The following PTPRD variants were observed in gnomAD, a reference collection of about 807,000 sequenced individuals.
The protein encoded by PTPRD is receptor-type tyrosine-protein phosphatase delta.
Under a neutral mutation model 214.5 loss-of-function variants are expected in PTPRD, and 34 were observed. The ratio of observed to expected loss-of-function variants is 0.16; its 90% CI spans 0.12 to 0.21. PTPRD has a LOEUF of 0.21. Ranked by LOEUF, PTPRD falls within the 10% of genes least tolerant of loss-of-function variation. The pLI is 1.00. For missense variants in PTPRD, 2,545 were observed against 2,398.7 expected (o/e 1.06, Z -1.27); for synonymous variants, 1,128 against 845.7 (o/e 1.33, Z -5.79).
chr9:9,185,518 G>A lies in PTPRD; in HGVS notation c.-202-2155C>T, dbSNP rs529934205. ...CTTGCTTGGCAGAAGTCAACTTTCC[G>A]AGATTTACCTCCTTTACTTTCAGCC... On this transcript the variant is annotated intron_variant, in intron 9 of 45. Coordinates refer to ENST00000381196, the MANE Select transcript of PTPRD (RefSeq NM_002839.4). Among the ~76,000 whole-genome samples the A allele has an allele frequency of 1.1e-4, 17 of 152,100 alleles. No individual in the cohort carries two copies. In the East Asian group the frequency reaches 2.5e-3, roughly 23 times the overall value.
At chr9:9,331,673 C>A (rs2042360334) in intron 9 of PTPRD, among the ~76,000 whole-genome samples, 1 of 152,060 alleles carries the variant, frequency 6.6e-6, no homozygotes, top group Non-Finnish European at 1.5e-5. Flanking sequence ...CTATCTAATA[C>A]ACGCAGGTAA....
rs1463992991 is a variant in PTPRD, at chr9:10,491,366, T to C, written c.-600+121032A>G. 2.6e-5 allele frequency among the ~76,000 whole-genome samples: 4 copies of C among 152,192 alleles called. 1 individual carries two copies. The highest frequency in any genetic ancestry group is 4.1e-4 in the South Asian group (2 of 4,836). On this transcript the variant is annotated intron_variant, in intron 2 of 45. Coordinates refer to ENST00000381196, the MANE Select transcript of PTPRD (RefSeq NM_002839.4). ...AATGTCTAATAATTTTAGATTCTAA[T>C]GTCAAGTAAGACATAAGAATTAGAT...
rs143803668 is a variant in PTPRD at position 10,413,948 on chromosome 9, G to T, written c.-599-72931C>A. The stretch of plus-strand genomic sequence containing the variant: ...GTCCCTTTCTTACACCATATAGAAA[G>T]ATCAACTTAAGATGAATAAAGTCTT... On this transcript the variant is annotated intron_variant, in intron 2 of 45. Transcript: ENST00000381196. 2.2e-3 allele frequency among the ~76,000 whole-genome samples: 334 copies of T among 151,914 alleles called. 1 individual carries two copies. Among genetic ancestry groups the T allele is most frequent in the African/African-American group, 7.5e-3 (310 of 41,504 alleles).
rs1361817449 is a variant in PTPRD, at chr9:8,644,296, T to A, written c.65-7452A>T. Among the ~76,000 whole-genome samples the A allele has an allele frequency of 3.3e-5, 5 of 152,210 alleles. No homozygotes were observed. In the East Asian group the frequency reaches 9.7e-4, roughly 30 times the overall value. On this transcript the variant is annotated intron_variant, in intron 12 of 45. Coordinates refer to ENST00000381196, the MANE Select transcript of PTPRD (RefSeq NM_002839.4). ...CTCTCTGACAGGAGCTGAACATTCA[T>A]CAGGACACCCTGAGACGGAGAGAAG...
intron 12 of PTPRD, among the ~76,000 whole-genome samples, chr9:8,659,997 A>T (rs545831821): frequency 5.3e-5 from 8 of 152,274 alleles, no homozygotes; most frequent in Non-Finnish European, 1.2e-4. Flanking sequence ...GAATTGTTCA[A>T]AACAACTTCA....
At chr9:9,168,245 C>A (rs1330273164) in intron 10 of PTPRD, among the ~76,000 whole-genome samples, 1 of 152,168 alleles carries the variant, frequency 6.6e-6, no homozygotes, top group Non-Finnish European at 1.5e-5. Context: ...GTTACTTACC[C>A]TTCTTCTAGA....
intron 11 of PTPRD, among the ~76,000 whole-genome samples, chr9:8,933,427 G>A (rs2098968297): frequency 1.5e-5 from 2 of 136,616 alleles, no homozygotes; most frequent in South Asian, 4.8e-4. Context: ...CCAAGTTTAA[G>A]CATTTTTTCT....
chr9:9,838,228 T>A (rs1278785057), intron 5 of PTPRD, among the ~76,000 whole-genome samples: 1 of 152,200 alleles, frequency 6.6e-6, no homozygotes, highest in African/African-American at 2.4e-5. Flanking sequence ...GCAATAAACA[T>A]AGGTGTGCAT....
chr9:8,631,744 T>C (rs2096260727), intron 14 of PTPRD, among the ~76,000 whole-genome samples: 1 of 151,876 alleles, frequency 6.6e-6, no homozygotes, highest in South Asian at 2.1e-4. Flanking sequence ...GTCCATTTTG[T>C]TATTATCTTG....
chr9:8,745,884 A>G (rs1203319555), intron 11 of PTPRD, among the ~76,000 whole-genome samples: 2 of 151,972 alleles, frequency 1.3e-5, no homozygotes. Flanking sequence ...TGCAGCCTGG[A>G]AATCCTGGGC....
At chr9:9,959,712 G>A (rs529046182) in intron 4 of PTPRD, among the ~76,000 whole-genome samples, 2 of 152,270 alleles carry the variant, frequency 1.3e-5, no homozygotes, top group South Asian at 2.1e-4. Context: ...GTTTTCCACA[G>A]GGTACAGGTT....
intron 14 of PTPRD, among the ~76,000 whole-genome samples, chr9:8,620,696 T>C (rs1048068109): frequency 1.3e-5 from 2 of 151,958 alleles, no homozygotes; most frequent in African/African-American, 4.8e-5. Flanking sequence ...ACTGCCTGTG[T>C]AGTATTGTAT....
intron 9 of PTPRD, among the ~76,000 whole-genome samples, chr9:9,270,839 T>G (rs1424081700): frequency 6.6e-6 from 1 of 151,276 alleles, no homozygotes; most frequent in Non-Finnish European, 1.5e-5. Flanking sequence ...ACACACATTT[T>G]AAGGGTAGAA....
chr9:8,896,536 A>G (rs1256336000), intron 11 of PTPRD, among the ~76,000 whole-genome samples: 5 of 152,230 alleles, frequency 3.3e-5, no homozygotes, highest in African/African-American at 1.2e-4. Flanking sequence ...ATCTAATTTT[A>G]GTAAAAATTT....
At chr9:9,911,830 G>T (rs1224991677) in intron 5 of PTPRD, among the ~76,000 whole-genome samples, 1 of 151,978 alleles carries the variant, frequency 6.6e-6, no homozygotes, top group Non-Finnish European at 1.5e-5. Context: ...TTTTCCTGTG[G>T]TGATGTTGTT....
chr9:9,274,417 T>C (rs558311261), intron 9 of PTPRD, among the ~76,000 whole-genome samples: 1 of 151,326 alleles, frequency 6.6e-6, no homozygotes, highest in African/African-American at 2.4e-5. Flanking sequence ...CTCAACCAAT[T>C]ATTATCAGAC....
At chr9:8,831,693 T>C (rs1453757304) in intron 11 of PTPRD, among the ~76,000 whole-genome samples, 1 of 152,182 alleles carries the variant, frequency 6.6e-6, no homozygotes, top group East Asian at 1.9e-4. Flanking sequence ...ACAATCTGTC[T>C]CTTTCAGCCA....
intron 9 of PTPRD, among the ~76,000 whole-genome samples, chr9:9,227,683 G>A (rs977095847): frequency 2.0e-5 from 3 of 152,024 alleles, no homozygotes; most frequent in African/African-American, 4.8e-5. Context: ...ACTTATCTGG[G>A]GGAAGCTAGA....
At chr9:10,059,476 T>C (rs2097717676) in intron 3 of PTPRD, among the ~76,000 whole-genome samples, 2 of 152,226 alleles carry the variant, frequency 1.3e-5, no homozygotes, top group South Asian at 4.1e-4. Flanking sequence ...GGTAAATCAC[T>C]TAGGGTGTAG....
Sources: gnomAD v4.1 joint callset for allele counts (sites outside exome capture counted in the v4.1 genomes callset) on GRCh38, gnomAD v4.1.1 for gene constraint, MANE v1.5 for transcripts, NCBI Gene and HGNC (gene_info 2026-07-23, HGNC 2026-07-21) for gene names.